Variants in SH3TC2 observed in about 807,000 individuals in gnomAD.
SH3TC2 encodes the protein SH3 domain and tetratricopeptide repeats 2.
In SH3TC2, 87 loss-of-function variants were observed where a neutral mutation model predicts 124.5. The observed-to-expected ratio is 0.70, with a 90% confidence interval of 0.59 to 0.84. The LOEUF (loss-of-function observed/expected upper bound fraction) is 0.84, where lower values mean the gene tolerates loss of function less well. Among genes scored for constraint, SH3TC2 ranks in the 40% least tolerant of loss-of-function variants. The pLI is 0.00. For missense variants in SH3TC2, 1,536 were observed against 1,566.4 expected (o/e 0.98, Z 0.33); for synonymous variants, 634 against 628.5 (o/e 1.01, Z -0.13).
At chr5:149,009,516 G>A (rs979179924) in intron 14 of SH3TC2, among the ~76,000 whole-genome samples, 6 of 152,192 alleles carry the variant, frequency 3.9e-5, no homozygotes, top group African/African-American at 1.2e-4. Context: ...CGCGTTCCCT[G>A]TTCTTCCCCA....
chr5:149,014,853 T>A (rs1753844261), intron 12 of SH3TC2, among the ~76,000 whole-genome samples: 1 of 152,186 alleles, frequency 6.6e-6, no homozygotes, highest in Admixed American at 6.5e-5. Flanking sequence ...AGGCCTGGCC[T>A]CCACAACTCT....
rs17722209 is a variant in SH3TC2 at position 149,026,823 on chromosome 5, T to C, written c.2872+37A>G. 306,077 of 1,614,032 alleles carry C rather than the reference T, an allele frequency of 0.19. 30,224 individuals are homozygous for C. The highest frequency in any genetic ancestry group is 0.24 in the East Asian group (10,991 of 44,862). On this transcript the variant is annotated intron_variant, in intron 11 of 16. Transcript: ENST00000515425. The stretch of plus-strand genomic sequence containing the variant: ...ATGGATAAAACTTGATCCAACACTT[T>C]TCTCTATAGCTTCCCAGCAGCATGG...
Position 148,997,094 on chromosome 5 carries a change from A to G in SH3TC2, c.*7617T>C, listed in dbSNP as rs1753521122. On this transcript the variant is annotated 3_prime_UTR_variant, in exon 17 of 17. Transcript: ENST00000515425. ...GTTTTGCAACACATATTTGGATGAG[A>G]AGGATGTTCCTAATAGCTTTTTCCA... Among the ~76,000 whole-genome samples, 1 of 152,216 alleles carries G rather than the reference A, an allele frequency of 6.6e-6. No homozygotes were observed. The highest frequency in any genetic ancestry group is 1.5e-5 in the Non-Finnish European group (1 of 68,040).
intron 15 of SH3TC2, chr5:149,007,620 G>A (rs1753712589): frequency 5.0e-6 from 1 of 199,086 alleles, no homozygotes; most frequent in Admixed American, 5.3e-5. Flanking sequence ...CCTACTGTCA[G>A]TCTCAGATAA....
chr5:149,010,134 TG>T, intron 14 of SH3TC2, 135 bp downstream of exon 14: 1 of 1,175,786 alleles, frequency 8.5e-7, no homozygotes, highest in Non-Finnish European at 1.2e-6. Context: ...AGTGAGTAGG[TG>T]GGCACTGGAC....
chr5:149,038,349 C>T lies in SH3TC2; in HGVS notation c.947G>A (p.Gly316Glu), dbSNP rs1251082752. 6.2e-7 allele frequency: 1 copy of T among 1,614,176 alleles called. No homozygotes were observed. Among genetic ancestry groups the T allele is most frequent in the Non-Finnish European group, 8.5e-7 (1 of 1,180,020 alleles). Reference sequence around the variant, plus strand: ...CCTGGTGGGGACAAAGCCCACTTGTCCTGAACTTGTCGACTTTCCAATGAA... The same window carrying T: ...CCTGGTGGGGACAAAGCCCACTTGTTCTGAACTTGTCGACTTTCCAATGAA... Reference protein sequence around the residue: ...QWFIGKSTSSGQVGFVPTRNI... With the variant: ...QWFIGKSTSSEQVGFVPTRNI... Residue 316 changes from glycine (G) to glutamate (E), a missense_variant, in exon 8 of 17, where the codon GGA (glycine) becomes GAA (glutamate). Physicochemically the swap from Gly to Glu is moderately conservative, Grantham distance 98 (BLOSUM62 -2). This residue lies in a region of SH3TC2 where 1,102 missense variants were observed against 1,098.6 expected (regional missense o/e 1.00). Coordinates refer to ENST00000515425, the MANE Select transcript of SH3TC2 (RefSeq NM_024577.4).
rs997788334 is a variant in SH3TC2 at position 149,010,121 on chromosome 5, G to A, written c.3327+149C>T. The A allele has an allele frequency of 3.8e-6, 4 of 1,053,428 alleles. No homozygotes were observed. The African/African-American group carries it at 6.2e-5, about 16-fold the overall frequency. The allele number at this position is 1,053,428 out of a possible 1,614,324, so 65.3% of individuals were successfully genotyped here. A position where few individuals can be genotyped will look rare whatever the true frequency, so the allele number is the denominator to read the frequency against. The stretch of plus-strand genomic sequence containing the variant: ...CCCTGAGCTCCCACTAGGTTGAAGA[G>A]AGAGTGAGTAGGTGGGCACTGGACA... On this transcript the variant is annotated intron_variant, in intron 14 of 16. Transcript: ENST00000515425.
At chr5:149,005,807 C>T (rs1377507994) in intron 16 of SH3TC2, among the ~76,000 whole-genome samples, 1 of 152,124 alleles carries the variant, frequency 6.6e-6, no homozygotes, top group African/African-American at 2.4e-5. Context: ...GGGGGCCAAA[C>T]ACAGGAGTGA....
chr5:149,037,755 G>A (rs1754306702), intron 8 of SH3TC2, among the ~76,000 whole-genome samples: 1 of 152,174 alleles, frequency 6.6e-6, no homozygotes, highest in South Asian at 2.1e-4. Flanking sequence ...GATTGGCCAG[G>A]CAGATGGGTC....
intron 6 of SH3TC2, 113 bp downstream of exon 6, chr5:149,041,303 T>A: frequency 9.0e-7 from 1 of 1,106,036 alleles, no homozygotes; most frequent in South Asian, 1.3e-5. Context: ...CCACCCAGAA[T>A]CTGTTCTCTC....
At chr5:149,017,035 G>A (rs571014488) in intron 12 of SH3TC2, among the ~76,000 whole-genome samples, 1 of 152,018 alleles carries the variant, frequency 6.6e-6, no homozygotes, top group East Asian at 1.9e-4. Flanking sequence ...TTATATGCAA[G>A]GCATCCCTTC....
rs1753521813 is a variant in SH3TC2 at position 148,997,126 on chromosome 5, CA to C, written c.*7584del. Among the ~76,000 whole-genome samples, 1 of 152,192 alleles carries C rather than the reference CA, an allele frequency of 6.6e-6. No homozygotes were observed. Among genetic ancestry groups the C allele is most frequent in the Admixed American group, 6.5e-5 (1 of 15,284 alleles). Reference sequence around the variant, plus strand: ...TTCCTAATAGCTTTTTCCATGATGTCAAAAGTAGGCTATTCTCTCATGTTCA... The same window carrying C: ...TTCCTAATAGCTTTTTCCATGATGTCAAAGTAGGCTATTCTCTCATGTTCA... On this transcript the variant is annotated 3_prime_UTR_variant, in exon 17 of 17. Transcript: ENST00000515425.
At chr5:149,018,853 C>T (rs1753920897) in intron 12 of SH3TC2, among the ~76,000 whole-genome samples, 2 of 152,222 alleles carry the variant, frequency 1.3e-5, no homozygotes, top group Admixed American at 1.3e-4. Context: ...ACTTATCCTT[C>T]AAGGGCCTCC....
At chr5:149,047,792 G>A (rs1754489489) in intron 3 of SH3TC2, 70 bp downstream of exon 3, 1 of 1,596,704 alleles carries the variant, frequency 6.3e-7, no homozygotes, top group South Asian at 1.1e-5. Flanking sequence ...TGCTGTCTTA[G>A]ATGCTAGGGA....
At chr5:149,010,121 G>C in intron 14 of SH3TC2, 149 bp downstream of exon 14, 1 of 1,053,428 alleles carries the variant, frequency 9.5e-7, no homozygotes, top group East Asian at 2.5e-5. Context: ...AGGTTGAAGA[G>C]AGAGTGAGTA....
rs141551556 is a variant in SH3TC2 at position 149,056,309 on chromosome 5, T to C, written c.53-4069A>G. Among the ~76,000 whole-genome samples, 146 of 152,266 alleles carry C rather than the reference T, an allele frequency of 9.6e-4. 1 individual carries two copies. The highest frequency in any genetic ancestry group is 3.5e-3 in the African/African-American group (144 of 41,546). ...TCCCAGTGTCTGTTGTTTTCCTCTT[T>C]GTGTTTATAAGTTCTTATCATTTAG... On this transcript the variant is annotated intron_variant, in intron 1 of 16. Coordinates refer to ENST00000515425, the MANE Select transcript of SH3TC2 (RefSeq NM_024577.4).
chr5:149,051,627 T>C (rs1237849107), intron 2 of SH3TC2, among the ~76,000 whole-genome samples: 1 of 152,012 alleles, frequency 6.6e-6, no homozygotes, highest in African/African-American at 2.4e-5. Flanking sequence ...AATTTTTTGA[T>C]TTTTTGTTTA....
Position 149,000,780 on chromosome 5 carries a change from T to C in SH3TC2, c.*3931A>G, listed in dbSNP as rs1753584085. Among the ~76,000 whole-genome samples the C allele has an allele frequency of 6.6e-6, 1 of 152,216 alleles. No individual in the cohort carries two copies. Among genetic ancestry groups the C allele is most frequent in the African/African-American group, 2.4e-5 (1 of 41,454 alleles). On this transcript the variant is annotated 3_prime_UTR_variant, in exon 17 of 17. Transcript: ENST00000515425. ...CACTGTCTTTGCCACTAACTACCAA[T>C]GTGTCTGGGAGAAAGTTACCCTTCT... is the stretch of plus-strand genomic sequence containing the variant.
chr5:149,049,310 C>T lies in SH3TC2; in HGVS notation c.152-1321G>A, dbSNP rs191240826. ...GCATGCTGAGCTCTAGGAGGAGGCA[C>T]AGTGCAAAGATGAAGCCCAGGGAGG... On this transcript the variant is annotated intron_variant, in intron 2 of 16. Transcript: ENST00000515425. 2.1e-3 allele frequency among the ~76,000 whole-genome samples: 316 copies of T among 152,312 alleles called. 3 individuals carry two copies. Among genetic ancestry groups the T allele is most frequent in the African/African-American group, 7.5e-3 (313 of 41,556 alleles).
Sources: gnomAD v4.1 joint callset for allele counts (sites outside exome capture counted in the v4.1 genomes callset) on GRCh38, gnomAD v4.1.1 for gene constraint, gnomAD v4.1.1 regional missense constraint, MANE v1.5 for transcripts, NCBI Gene and HGNC (gene_info 2026-07-23, HGNC 2026-07-21) for gene names.